The following VPS45 variants were observed in gnomAD, a reference collection of about 807,000 sequenced individuals.
VPS45 encodes vacuolar protein sorting-associated protein 45.
A neutral mutation model predicts 75.9 loss-of-function variants in VPS45; 35 were observed. The ratio of observed to expected loss-of-function variants is 0.46; its 90% CI spans 0.35 to 0.61. The LOEUF (loss-of-function observed/expected upper bound fraction) is 0.61, where lower values mean the gene tolerates loss of function less well. VPS45 is among the 20% of genes least tolerant of loss of function. VPS45 has a pLI of 0.00. For synonymous variants in VPS45, 220 were observed against 238.2 expected (o/e 0.92, Z 0.70); for missense variants, 559 against 685.9 (o/e 0.81, Z 2.07).
intron 14 of VPS45, among the ~76,000 whole-genome samples, chr1:150,127,321 A>T (rs1381133449): frequency 2.0e-5 from 3 of 148,318 alleles, no homozygotes; most frequent in Non-Finnish European, 3.0e-5. Flanking sequence ...AGTGAAGCAG[A>T]TTTTTTTTTT....
At chr1:150,068,304 C>A in intron 1 of VPS45, 1 of 358,530 alleles carries the variant, frequency 2.8e-6, no homozygotes, top group Non-Finnish European at 5.0e-6. Flanking sequence ...GGAGCTCAAG[C>A]TGAAATGACA....
intron 14 of VPS45, among the ~76,000 whole-genome samples, chr1:150,122,294 G>T (rs587615891): frequency 1.3e-5 from 2 of 152,026 alleles, no homozygotes; most frequent in Non-Finnish European, 2.9e-5. Context: ...ACACTCCAGC[G>T]TGGGCGACAG....
At chr1:150,105,982 G>A (rs587741963) in intron 13 of VPS45, among the ~76,000 whole-genome samples, 1 of 152,198 alleles carries the variant, frequency 6.6e-6, no homozygotes, top group South Asian at 2.1e-4. Flanking sequence ...CTTCAATAAA[G>A]TCGATAAAAA....
At chr1:150,079,098 C>T (rs1430737817) in intron 7 of VPS45, among the ~76,000 whole-genome samples, 17 of 103,354 alleles carry the variant, frequency 1.6e-4, no homozygotes, top group African/African-American at 5.6e-4. Context: ...GCAACGAGAG[C>T]GAAACTCTTG....
Position 150,067,913 on chromosome 1 carries a change from G to C in VPS45, c.56G>C (p.Gly19Ala). 6.2e-7 allele frequency: 1 copy of C among 1,614,200 alleles called. No homozygotes were observed. ...ATTTCCAAAATGATAGAGGACAGCG[G>C]GCCTGGTATGAAAGTACTTCTCATG... ...QYISKMIEDS[G>A]PGMKVLLMDK... Residue 19 changes from glycine (G) to alanine (A), a missense_variant, in exon 1 of 15, where the codon GGG (glycine) becomes GCG (alanine). Gly to Ala is a moderately conservative substitution (Grantham distance 60). Transcript: ENST00000644510.
At chr1:150,067,608 T>G, upstream of VPS45, 2 of 488,758 alleles carry the variant, frequency 4.1e-6, no homozygotes, top group Non-Finnish European at 3.6e-6. Context: ...AGGCCGCAGG[T>G]GGGTGGAGAA....
chr1:150,109,821 G>T (rs981812058), intron 13 of VPS45: 1 of 152,096 alleles, frequency 6.6e-6, no homozygotes, highest in Non-Finnish European at 1.5e-5. Context: ...AGCTGTGTTC[G>T]CATGTCCAGT....
chr1:150,142,166 G>T (rs1327051860), intron 14 of VPS45, among the ~76,000 whole-genome samples: 1 of 152,054 alleles, frequency 6.6e-6, no homozygotes, highest in Non-Finnish European at 1.5e-5. Flanking sequence ...TCTCATTATA[G>T]TCAGGAATGT....
At chr1:150,072,064 G>C in intron 2 of VPS45, 102 bp from the exon 3 acceptor site, 1 of 903,250 alleles carries the variant, frequency 1.1e-6, no homozygotes, top group African/African-American at 1.7e-5. Flanking sequence ...ACTTCAATAT[G>C]CAGTAGACGC....
intron 12 of VPS45, among the ~76,000 whole-genome samples, chr1:150,092,886 G>GGCTGGAGT (rs1229005640): frequency 8.9e-6 from 1 of 111,992 alleles, no homozygotes; most frequent in Non-Finnish European, 1.6e-5. Context: ...CTGTCTCCCA[G>GGCTGGAGT]GCTGGAGTGC....
chr1:150,142,815 T>C, intron 14 of VPS45: 1 of 447,386 alleles, frequency 2.2e-6, no homozygotes, highest in Non-Finnish European at 4.5e-6. Flanking sequence ...CAGGCACCTG[T>C]CTAATTTTTG....
Position 150,093,513 on chromosome 1 carries a change from T to C in VPS45, c.1372-14T>C, listed in dbSNP as rs782060951. The C allele has an allele frequency of 1.9e-6, 3 of 1,604,848 alleles. No individual in the cohort carries two copies. The highest frequency in any genetic ancestry group is 2.5e-6 in the Non-Finnish European group (3 of 1,176,872). On this transcript the variant is annotated splice_polypyrimidine_tract_variant and intron_variant, in intron 12 of 14. Transcript: ENST00000644510. ...TCCCAAAAATGACATAAGAACCATT[T>C]TCCCCTGTTTTAGGGAGTAGAAAAT...
intron 10 of VPS45, among the ~76,000 whole-genome samples, chr1:150,084,623 C>T (rs1386499646): frequency 2.6e-5 from 4 of 152,008 alleles, no homozygotes; most frequent in Admixed American, 6.6e-5. Flanking sequence ...TTAATAGGGC[C>T]CTATATTCTA....
chr1:150,139,491 GA>G (rs1296457873), intron 14 of VPS45, among the ~76,000 whole-genome samples: 1 of 152,126 alleles, frequency 6.6e-6, no homozygotes, highest in African/African-American at 2.4e-5. Context: ...GTTTTGGGGG[GA>G]TGTTTTTTAT....
At chr1:150,083,091 A>C (rs587660126) in intron 10 of VPS45, 111 of 491,636 alleles carry the variant, frequency 2.3e-4, no homozygotes, top group Non-Finnish European at 3.4e-4. Context: ...GGTTCAGTTA[A>C]TTAGTATAAG....
At position 150,092,289 on chromosome 1, in the gene VPS45, T is replaced by C; in HGVS notation, c.1264-13T>C. ...TGCCTAAGCAATCAAAATTTGCTTC[T>C]CTTTCTTAATAGCTCGTGTCTGCAG... On this transcript the variant is annotated splice_polypyrimidine_tract_variant and intron_variant, in intron 11 of 14. Coordinates refer to ENST00000644510, the MANE Select transcript of VPS45 (RefSeq NM_007259.5). The C allele has an allele frequency of 6.2e-7, 1 of 1,611,354 alleles. No homozygotes were observed. The highest frequency in any genetic ancestry group is 8.5e-7 in the Non-Finnish European group (1 of 1,178,500).
chr1:150,079,346 G>A (rs1655568273), intron 7 of VPS45, among the ~76,000 whole-genome samples: 2 of 152,236 alleles, frequency 1.3e-5, no homozygotes, highest in South Asian at 4.2e-4. Flanking sequence ...TCTCACCAGT[G>A]TTTTTTCTCC....
intron 11 of VPS45, 71 bp downstream of exon 11, chr1:150,092,166 G>T: frequency 6.5e-7 from 1 of 1,539,248 alleles, no homozygotes. Flanking sequence ...TCTAACGAAT[G>T]ATAAATCATA....
At chr1:150,128,608 C>T (rs1658645174) in intron 14 of VPS45, among the ~76,000 whole-genome samples, 1 of 152,164 alleles carries the variant, frequency 6.6e-6, no homozygotes, top group African/African-American at 2.4e-5. Flanking sequence ...GGTTCAATCT[C>T]TGAATTATTT....
Sources: allele counts gnomAD v4.1 joint callset (sites outside exome capture counted in the v4.1 genomes callset), GRCh38; gene constraint gnomAD v4.1.1; transcripts MANE v1.5; gene names NCBI Gene and HGNC (gene_info 2026-07-23, HGNC 2026-07-21).